The following LGR4 variants were observed in gnomAD, a reference collection of about 807,000 sequenced individuals.
LGR4 encodes leucine-rich repeat-containing G protein-coupled receptor 4.
Under a neutral mutation model 84.8 loss-of-function variants are expected in LGR4, and 44 were observed. The ratio of observed to expected loss-of-function variants is 0.52; its 90% confidence interval spans 0.41 to 0.67. The LOEUF (loss-of-function observed/expected upper bound fraction) is 0.67, where lower values mean the gene tolerates loss of function less well. Ranked by LOEUF, LGR4 falls within the 30% of genes least tolerant of loss-of-function variation. The pLI is 0.00. For synonymous variants in LGR4, 429 were observed against 434.3 expected (o/e 0.99, Z 0.15); for missense variants, 1,032 against 1,131.4 (o/e 0.91, Z 1.26).
At chr11:27,452,538 C>A (rs925655398) in intron 1 of LGR4, among the ~76,000 whole-genome samples, 6 of 151,964 alleles carry the variant, frequency 3.9e-5, no homozygotes, top group Non-Finnish European at 7.4e-5. Flanking sequence ...CTATCTCCAA[C>A]CCTAGCAACC....
Position 27,384,320 on chromosome 11 carries a change from AT to A in LGR4, c.689+15del, listed in dbSNP as rs764078208. 5 of 1,551,164 alleles carry A rather than the reference AT, an allele frequency of 3.2e-6. No individual in the cohort carries two copies. Among genetic ancestry groups the A allele is most frequent in the Non-Finnish European group, 4.4e-6 (5 of 1,127,288 alleles). On this transcript the variant is annotated intron_variant, in intron 6 of 17. Coordinates refer to ENST00000379214, the MANE Select transcript of LGR4 (RefSeq NM_018490.5). ...CAATATCACAATGCAGTTGCCCAAA[AT>A]ATGAATATACTTACAAGGTCTCCAG...
In LGR4 at chr11:27,472,485, G is replaced by A. The variant is rs1479155305; in HGVS notation, c.-183C>T. 2 of 407,206 alleles carry A rather than the reference G, an allele frequency of 4.9e-6. No individual in the cohort carries two copies. The highest frequency in any genetic ancestry group is 3.7e-5 in the East Asian group (1 of 26,958). 25.2% of individuals were successfully genotyped at this position (407,206 alleles called of 1,614,324 possible). A position where few individuals can be genotyped will look rare whatever the true frequency, so the allele number is the denominator to read the frequency against. ...CAGCGGCGCAGGGACGCGGCGCTCC[G>A]GAGTTTCGCCCTTCCCGCTGCTCCA... On this transcript the variant is annotated 5_prime_UTR_variant, in exon 1 of 18. Coordinates refer to ENST00000379214, the MANE Select transcript of LGR4 (RefSeq NM_018490.5).
chr11:27,467,545 C>T (rs540244939), intron 1 of LGR4, among the ~76,000 whole-genome samples: 5 of 132,954 alleles, frequency 3.8e-5, no homozygotes, highest in Non-Finnish European at 7.7e-5. Context: ...CCAGCCTGGG[C>T]AACAGCGCAA....
chr11:27,431,030 C>A (rs1213422320), intron 1 of LGR4, among the ~76,000 whole-genome samples: 1 of 152,124 alleles, frequency 6.6e-6, no homozygotes, highest in East Asian at 1.9e-4. Context: ...TCAAATGTCA[C>A]CCCTTCAGAC....
At chr11:27,378,659 A>T (rs1208639054) in intron 11 of LGR4, 38 bp downstream of exon 11, 2 of 1,385,512 alleles carry the variant, frequency 1.4e-6, no homozygotes, top group Non-Finnish European at 1.0e-6. Flanking sequence ...ATATATAAAC[A>T]AAAGGTATGA....
intron 1 of LGR4, among the ~76,000 whole-genome samples, chr11:27,432,377 C>T (rs1864130093): frequency 6.6e-6 from 1 of 152,034 alleles, no homozygotes; most frequent in Non-Finnish European, 1.5e-5. Context: ...TGAAATTGCC[C>T]AGAGGTGGTC....
chr11:27,437,712 A>T (rs571802474), intron 1 of LGR4, among the ~76,000 whole-genome samples: 27 of 132,932 alleles, frequency 2.0e-4, no homozygotes, highest in African/African-American at 7.2e-4. Flanking sequence ...TGCTAAAAGA[A>T]ATCATAAAGC....
chr11:27,427,403 G>A, intron 1 of LGR4, among the ~76,000 whole-genome samples: 1 of 152,170 alleles, frequency 6.6e-6, no homozygotes, highest in East Asian at 1.9e-4. Flanking sequence ...AGAGGACAGA[G>A]CCATTCAGGA....
At chr11:27,430,798 C>G (rs989049567) in intron 1 of LGR4, among the ~76,000 whole-genome samples, 1 of 152,100 alleles carries the variant, frequency 6.6e-6, no homozygotes, top group Non-Finnish European at 1.5e-5. Flanking sequence ...TCATGCCAAT[C>G]CAGTGCTTAG....
chr11:27,472,226 G>A lies in LGR4; in HGVS notation c.77C>T (p.Pro26Leu). The change falls in exon 1 of 18, where the codon CCG becomes CTG. Residue 26 changes from proline (P) to leucine (L), a missense_variant. Transcript: ENST00000379214. ...LGSAGPSGAA[P>L]PLCAAPCSCD... Reference sequence around the variant, plus strand: ...GCTGCAGGGCGCCGCGCAGAGAGGCGGCGCCGCGCCGCTGGGCCCGGCCGA... The same window carrying A: ...GCTGCAGGGCGCCGCGCAGAGAGGCAGCGCCGCGCCGCTGGGCCCGGCCGA... 7.4e-7 allele frequency: 1 copy of A among 1,348,518 alleles called. No individual in the cohort carries two copies. The highest frequency in any genetic ancestry group is 9.5e-7 in the Non-Finnish European group (1 of 1,052,352). The allele number at this position is 1,348,518 out of a possible 1,614,324, so 83.5% of individuals were successfully genotyped here.
chr11:27,469,039 C>T (rs1239385694), intron 1 of LGR4, among the ~76,000 whole-genome samples: 5 of 152,104 alleles, frequency 3.3e-5, no homozygotes, highest in East Asian at 1.9e-4. Context: ...GATTAAACTT[C>T]GGAATTTTAA....
intron 1 of LGR4, among the ~76,000 whole-genome samples, chr11:27,447,193 TA>T (rs973534885): frequency 2.0e-5 from 3 of 150,906 alleles, no homozygotes; most frequent in Non-Finnish European, 3.0e-5. Context: ...ATAATAATAA[TA>T]AAAAAAAGCG....
At chr11:27,423,763 A>G (rs961104253) in intron 1 of LGR4, among the ~76,000 whole-genome samples, 12 of 152,204 alleles carry the variant, frequency 7.9e-5, no homozygotes, top group Non-Finnish European at 1.5e-4. Flanking sequence ...ATACTCTTGG[A>G]CAGCTCCACT....
At chr11:27,397,264 G>A (rs921230011) in intron 2 of LGR4, among the ~76,000 whole-genome samples, 16 of 152,126 alleles carry the variant, frequency 1.1e-4, no homozygotes, top group Middle Eastern at 3.4e-3. Context: ...CGCTACCACC[G>A]GTATGAACTC....
chr11:27,378,487 CAA>C (rs1863031408), intron 11 of LGR4, among the ~76,000 whole-genome samples: 1 of 152,154 alleles, frequency 6.6e-6, no homozygotes, highest in South Asian at 2.1e-4. Context: ...AATAAAGTCA[CAA>C]GTATATGATA....
At position 27,446,155 on chromosome 11, in the gene LGR4, T is replaced by C. The variant is rs1864386194; in HGVS notation, c.185+25963A>G. ...GTTTGATTTTTTCTTGTAAATTTGT[T>C]TAAGTTCTTTGCAGATTCTGGTTAT... On this transcript the variant is annotated intron_variant, in intron 1 of 17. Coordinates refer to ENST00000379214, the MANE Select transcript of LGR4 (RefSeq NM_018490.5). Among the ~76,000 whole-genome samples, 6 of 152,112 alleles carry C rather than the reference T, an allele frequency of 3.9e-5. 1 individual carries two copies. Among genetic ancestry groups the C allele is most frequent in the Admixed American group, 3.9e-4 (6 of 15,270 alleles).
intron 1 of LGR4, among the ~76,000 whole-genome samples, chr11:27,431,109 G>C: frequency 6.6e-6 from 1 of 151,926 alleles, no homozygotes; most frequent in East Asian, 1.9e-4. Flanking sequence ...TATTTCCTCT[G>C]TCTAGTTATC....
In LGR4 at chr11:27,367,202, A is replaced by G. The variant is rs966802382; in HGVS notation, c.*665T>C. The G allele has an allele frequency of 1.3e-5, 2 of 152,260 alleles. No individual in the cohort carries two copies. The highest frequency in any genetic ancestry group is 1.5e-5 in the Non-Finnish European group (1 of 68,018). 9.4% of individuals were successfully genotyped at this position (152,260 alleles called of 1,614,324 possible). On this transcript the variant is annotated 3_prime_UTR_variant, in exon 18 of 18. Coordinates refer to ENST00000379214, the MANE Select transcript of LGR4 (RefSeq NM_018490.5). ...ATTACTGATTGGACCAAAGCAATGT[A>G]TAATGACTGAAAACAAATGTCCAGC...
intron 6 of LGR4, 138 bp downstream of exon 6, chr11:27,384,198 C>G: frequency 1.6e-6 from 1 of 613,862 alleles, no homozygotes; most frequent in East Asian, 2.7e-5. Context: ...TATTTGATAG[C>G]AAGAATTTAA....
Sources: allele counts gnomAD v4.1 joint callset (sites outside exome capture counted in the v4.1 genomes callset), GRCh38; gene constraint gnomAD v4.1.1; transcripts MANE v1.5; gene names NCBI Gene and HGNC (gene_info 2026-07-23, HGNC 2026-07-21).